Variants in RALGAPB observed in about 807,000 individuals in gnomAD.
The protein encoded by RALGAPB is Ral GTPase activating protein non-catalytic subunit beta, also known as ral GTPase-activating protein subunit beta.
In RALGAPB, 25 loss-of-function variants were observed where a neutral mutation model predicts 161.1. That is an observed-to-expected ratio of 0.16 (90% CI 0.11 to 0.22). The LOEUF is 0.22. RALGAPB is among the 10% of genes least tolerant of loss of function. The pLI is 1.00. For missense variants in RALGAPB, 1,391 were observed against 1,815.2 expected, an observed-to-expected ratio of 0.77 and a Z score of 4.25; for synonymous variants, 629 against 626.1, an observed-to-expected ratio of 1.00 and a Z score of -0.07.
intron 2 of RALGAPB, among the ~76,000 whole-genome samples, chr20:38,489,537 T>C (rs1220838448): frequency 6.6e-6 from 1 of 152,182 alleles, no homozygotes; most frequent in Non-Finnish European, 1.5e-5. Flanking sequence ...AATGGAGTGA[T>C]AGAGGAGCTT....
In RALGAPB at chr20:38,551,286, G is replaced by C. The variant is rs2087365511; in HGVS notation, c.3162+63G>C. 3.3e-6 allele frequency: 5 copies of C among 1,538,410 alleles called. No homozygotes were observed. The Admixed American group carries it at 8.6e-5, about 27-fold the overall frequency. On this transcript the variant is annotated intron_variant, in intron 21 of 29. Coordinates refer to ENST00000262879, the MANE Select transcript of RALGAPB (RefSeq NM_020336.4). ...ATAGAAACATTCTTACGACTTCCTT[G>C]GTCAAGACAATGCTTTTAGTGTTGT...
chr20:38,512,063 T>C (rs922971324), intron 6 of RALGAPB, among the ~76,000 whole-genome samples: 4 of 152,250 alleles, frequency 2.6e-5, no homozygotes, highest in Admixed American at 2.6e-4. Context: ...TTTTACAGTT[T>C]TCTTCACAAA....
chr20:38,507,676 G>A (rs921071744), intron 5 of RALGAPB, among the ~76,000 whole-genome samples: 14 of 151,942 alleles, frequency 9.2e-5, no homozygotes, highest in Non-Finnish European at 2.1e-4. Context: ...GAGCCACTAT[G>A]CCAGCGTTGT....
intron 11 of RALGAPB, 59 bp downstream of exon 11, chr20:38,525,004 C>A: frequency 6.8e-7 from 1 of 1,479,262 alleles, no homozygotes; most frequent in Admixed American, 1.7e-5. Context: ...TCTGTTGGTG[C>A]TTCCTCCCCA....
chr20:38,558,001 A>G (rs1260416094), intron 22 of RALGAPB, among the ~76,000 whole-genome samples: 2 of 152,242 alleles, frequency 1.3e-5, no homozygotes, highest in African/African-American at 4.8e-5. Flanking sequence ...GGAATGAGAA[A>G]AAAAGTACAT....
At position 38,563,918 on chromosome 20, in the gene RALGAPB, T is replaced by G. The variant is rs574287963; in HGVS notation, c.3697+1221T>G. ...AGAAAGGCAATTCCAGGCTTTACAT[T>G]CACATACCACAGCAGCCTGAAGAGG... is the stretch of plus-strand genomic sequence containing the variant. On this transcript the variant is annotated intron_variant, in intron 24 of 29. Transcript: ENST00000262879. Among the ~76,000 whole-genome samples, 15 of 152,208 alleles carry G rather than the reference T, an allele frequency of 9.9e-5. No individual in the cohort carries two copies. The South Asian group carries it at 3.1e-3, about 32-fold the overall frequency.
In RALGAPB at chr20:38,501,023, C is replaced by T. The variant is rs114224615; in HGVS notation, c.740+1390C>T. Among the ~76,000 whole-genome samples the T allele has an allele frequency of 4.2e-3, 644 of 152,248 alleles. 3 individuals carry two copies. The highest frequency in any genetic ancestry group is 0.015 in the African/African-American group (613 of 41,540). ...TTAAGGAAAGAAGCCATGTCTATAA[C>T]GTGAAAGTGCAAGCTGAAGCAGCAA... is the stretch of plus-strand genomic sequence containing the variant. On this transcript the variant is annotated intron_variant, in intron 5 of 29. Coordinates refer to ENST00000262879, the MANE Select transcript of RALGAPB (RefSeq NM_020336.4).
Position 38,569,854 on chromosome 20 carries a change from T to G in RALGAPB, c.3955-34T>G, listed in dbSNP as rs547822013. On this transcript the variant is annotated intron_variant, in intron 26 of 29. Coordinates refer to ENST00000262879, the MANE Select transcript of RALGAPB (RefSeq NM_020336.4). The stretch of plus-strand genomic sequence containing the variant: ...AAGCCAGTTTTTTGTTGCTGTTGTT[T>G]TTCCCGCTCTCTGTCTTCTTCTTCT... 68 of 1,563,016 alleles carry G rather than the reference T, an allele frequency of 4.4e-5. No individual in the cohort carries two copies. In the African/African-American group the frequency reaches 6.8e-4, roughly 16 times the overall value.
intron 23 of RALGAPB, among the ~76,000 whole-genome samples, chr20:38,561,555 C>G (rs2145487570): frequency 6.6e-6 from 1 of 152,250 alleles, no homozygotes. Flanking sequence ...ATTCCGCCTT[C>G]ACTGATTTTA....
chr20:38,475,679 A>G (rs2084783067), intron 1 of RALGAPB, among the ~76,000 whole-genome samples: 2 of 151,210 alleles, frequency 1.3e-5, no homozygotes, highest in South Asian at 4.2e-4. Flanking sequence ...TAGTGGCGCA[A>G]TCTCAGCTCA....
At position 38,548,701 on chromosome 20, in the gene RALGAPB, CCTCT is replaced by C; in HGVS notation, c.2916_2919del (p.Val974LeufsTer49). ...TATTTTATTCTAGATGATTTTTTCC[CCTCT>C]GTCACTGTGCTGGTCCGGGGAATGT... On this transcript the variant is annotated frameshift_variant, in exon 20 of 30. Coordinates refer to ENST00000262879, the MANE Select transcript of RALGAPB (RefSeq NM_020336.4). LOFTEE classifies it high-confidence loss of function. 1 of 1,612,064 alleles carries C rather than the reference CCTCT, an allele frequency of 6.2e-7. No individual in the cohort carries two copies. Among genetic ancestry groups the C allele is most frequent in the East Asian group, 2.2e-5 (1 of 44,832 alleles).
chr20:38,550,958 TG>T, intron 20 of RALGAPB, 112 bp from the exon 21 acceptor site: 2 of 1,273,024 alleles, frequency 1.6e-6, no homozygotes, highest in Non-Finnish European at 2.2e-6. Flanking sequence ...AGTGAGTTTT[TG>T]TGACATGTAA....
At chr20:38,544,913 C>A (rs2087111839) in intron 18 of RALGAPB, among the ~76,000 whole-genome samples, 1 of 152,054 alleles carries the variant, frequency 6.6e-6, no homozygotes. Context: ...TTTTTTTTCA[C>A]ACGTTTACCT....
intron 16 of RALGAPB, among the ~76,000 whole-genome samples, chr20:38,537,440 G>A (rs184172054): frequency 1.4e-3 from 210 of 152,230 alleles, no homozygotes; most frequent in Non-Finnish European, 2.3e-3. Context: ...AACATAGTGA[G>A]ACTTTGTCTC....
chr20:38,509,200 C>G lies in RALGAPB; in HGVS notation c.864C>G (p.His288Gln). The change falls in exon 6 of 30, where the codon CAC becomes CAG. Residue 288 changes from histidine (H) to glutamine (Q), a missense_variant. Coordinates refer to ENST00000262879, the MANE Select transcript of RALGAPB (RefSeq NM_020336.4). The part of the protein sequence containing the change: ...CVAQTWFRFL[H>Q]MLSNPVDLSN... The stretch of plus-strand genomic sequence containing the variant: ...CACAGACATGGTTTCGCTTTTTACA[C>G]ATGTTAAGGTATTGTTATTTTATTA... 1 of 1,613,196 alleles carries G rather than the reference C, an allele frequency of 6.2e-7. No individual in the cohort carries two copies. The highest frequency in any genetic ancestry group is 8.5e-7 in the Non-Finnish European group (1 of 1,179,322).
rs1255058480 is a variant in RALGAPB at position 38,577,109 on chromosome 20, G to A, written c.*2142G>A. 6.6e-6 allele frequency: 1 copy of A among 152,182 alleles called. No individual in the cohort carries two copies. Among genetic ancestry groups the A allele is most frequent in the Non-Finnish European group, 1.5e-5 (1 of 68,042 alleles). 9.4% of individuals were successfully genotyped at this position (152,182 alleles called of 1,614,324 possible). A position where few individuals can be genotyped will look rare whatever the true frequency, so the allele number is the denominator to read the frequency against. On this transcript the variant is annotated 3_prime_UTR_variant, in exon 30 of 30. Transcript: ENST00000262879. ...GAAGGAAGGATGTGCAGCCCCTGAA[G>A]GCATGAAACTCCCAGTGTGTACGGA...
At chr20:38,540,995 T>C in intron 17 of RALGAPB, 46 bp from the exon 18 acceptor site, 1 of 1,594,002 alleles carries the variant, frequency 6.3e-7, no homozygotes, top group African/African-American at 1.3e-5. Flanking sequence ...TGTCTTCTCA[T>C]GAGAAAGGTG....
intron 5 of RALGAPB, among the ~76,000 whole-genome samples, chr20:38,503,043 T>A (rs2085643061): frequency 6.6e-6 from 1 of 152,242 alleles, no homozygotes; most frequent in Admixed American, 6.5e-5. Context: ...TTTTAATTAC[T>A]TTTGTACCAA....
intron 6 of RALGAPB, among the ~76,000 whole-genome samples, chr20:38,511,375 C>A (rs1295587702): frequency 6.9e-6 from 1 of 145,712 alleles, no homozygotes; most frequent in Non-Finnish European, 1.5e-5. Context: ...GGGTGTTTCT[C>A]GGAGAGGGGG....
Sources: allele counts gnomAD v4.1 joint callset (sites outside exome capture counted in the v4.1 genomes callset), GRCh38; gene constraint gnomAD v4.1.1; transcripts MANE v1.5; gene names NCBI Gene and HGNC (gene_info 2026-07-23, HGNC 2026-07-21).